Variants in FER observed in about 807,000 individuals in gnomAD.
FER encodes FER tyrosine kinase, also known as tyrosine-protein kinase Fer.
FER carries 63 observed loss-of-function variants against 111.0 expected under a neutral mutation model. That is an observed-to-expected ratio of 0.57 (90% CI 0.46 to 0.70). The LOEUF (loss-of-function observed/expected upper bound fraction) is 0.70, where lower values mean the gene tolerates loss of function less well. Among genes scored for constraint, FER ranks in the 30% least tolerant of loss-of-function variants. FER has a pLI of 0.00. For synonymous variants in FER, 327 were observed against 313.9 expected (o/e 1.04, Z -0.44); for missense variants, 914 against 954.0 (o/e 0.96, Z 0.55).
chr5:109,066,575 G>T (rs1775116637), intron 16 of FER, among the ~76,000 whole-genome samples: 1 of 152,092 alleles, frequency 6.6e-6, no homozygotes, highest in Non-Finnish European at 1.5e-5. Context: ...AAACCCGTCA[G>T]TTCTGATAAA....
intron 17 of FER, among the ~76,000 whole-genome samples, chr5:109,175,055 T>C (rs1757531855): frequency 2.0e-5 from 3 of 152,210 alleles, no homozygotes; most frequent in Admixed American, 2.0e-4. Context: ...GTACCCAGCA[T>C]ATAGTAAATA....
intron 2 of FER, 108 bp downstream of exon 2, chr5:108,768,346 C>G (rs1234386296): frequency 6.6e-6 from 1 of 152,132 alleles, no homozygotes; most frequent in Non-Finnish European, 1.5e-5. Context: ...TTAGATTATT[C>G]TACTGTCTAT....
chr5:109,184,217 G>C (rs1482470642), intron 18 of FER, among the ~76,000 whole-genome samples: 1 of 152,086 alleles, frequency 6.6e-6, no homozygotes, highest in Admixed American at 6.6e-5. Flanking sequence ...CCTCTAATTA[G>C]TTATATTAGC....
intron 13 of FER, among the ~76,000 whole-genome samples, chr5:109,008,136 G>T (rs368672884): frequency 6.6e-6 from 1 of 152,010 alleles, no homozygotes; most frequent in Non-Finnish European, 1.5e-5. Context: ...TTATAATCTT[G>T]TACTCACGGA....
In FER at chr5:108,954,916, T is replaced by A; in HGVS notation, c.1517T>A (p.Ile506Asn). 1 of 1,608,340 alleles carries A rather than the reference T, an allele frequency of 6.2e-7. No individual in the cohort carries two copies. Among genetic ancestry groups the A allele is most frequent in the Non-Finnish European group, 8.5e-7 (1 of 1,177,440 alleles). The change falls in exon 12 of 20, where the codon ATC becomes AAC. Residue 506 changes from isoleucine (I) to asparagine (N), a missense_variant. Ile to Asn is a moderately radical substitution (Grantham distance 149). This residue lies in a region of FER where 774 missense variants were observed against 782.6 expected (regional missense o/e 0.99). Transcript: ENST00000281092. ...TCTGATGGACAGAGGAGACATTTTATCATACAATATGTTGATGTACGTTTC... is the reference window on the plus strand; with the variant it reads ...TCTGATGGACAGAGGAGACATTTTAACATACAATATGTTGATGTACGTTTC... ...VYSDGQRRHF[I>N]IQYVDNMYRF...
intron 17 of FER, among the ~76,000 whole-genome samples, chr5:109,115,063 ATTTAT>A (rs1460584698): frequency 6.6e-6 from 1 of 152,074 alleles, no homozygotes; most frequent in Non-Finnish European, 1.5e-5. Flanking sequence ...CTAATAATGA[ATTTAT>A]TTTAATTCTT....
chr5:109,011,228 AAGAAC>A (rs1375099807), intron 13 of FER, among the ~76,000 whole-genome samples: 1 of 152,186 alleles, frequency 6.6e-6, no homozygotes, highest in African/African-American at 2.4e-5. Flanking sequence ...AAGTGGGACA[AAGAAC>A]AGAATTCAGT....
chr5:108,801,656 T>C (rs1756661467), intron 3 of FER, among the ~76,000 whole-genome samples: 1 of 152,238 alleles, frequency 6.6e-6, no homozygotes, highest in African/African-American at 2.4e-5. Flanking sequence ...GGTGCAAATT[T>C]CCTTTTTCTT....
intron 5 of FER, among the ~76,000 whole-genome samples, chr5:108,864,361 A>C (rs931807558): frequency 3.9e-5 from 6 of 152,140 alleles, no homozygotes; most frequent in African/African-American, 1.4e-4. Context: ...TCTATTTCTC[A>C]TTCTGTTGTT....
intron 8 of FER, among the ~76,000 whole-genome samples, chr5:108,879,173 C>G (rs1447067449): frequency 6.6e-6 from 1 of 151,698 alleles, no homozygotes; most frequent in Non-Finnish European, 1.5e-5. Context: ...ACTGCTTTGC[C>G]TTATAATATT....
At chr5:109,049,488 A>G (rs1389852816) in intron 16 of FER, among the ~76,000 whole-genome samples, 1 of 152,192 alleles carries the variant, frequency 6.6e-6, no homozygotes, top group Non-Finnish European at 1.5e-5. Flanking sequence ...CTTCAAAGTC[A>G]GCACGGGCCT....
At chr5:109,006,414 C>T (rs1581617826) in intron 13 of FER, among the ~76,000 whole-genome samples, 1 of 152,122 alleles carries the variant, frequency 6.6e-6, no homozygotes, top group South Asian at 2.1e-4. Flanking sequence ...GTTCTCTTGC[C>T]TACCGCCATG....
chr5:109,063,157 A>G (rs941085436), intron 16 of FER, among the ~76,000 whole-genome samples: 3 of 152,214 alleles, frequency 2.0e-5, no homozygotes, highest in African/African-American at 4.8e-5. Flanking sequence ...TTCAATTGTC[A>G]AAATTCGTTT....
intron 3 of FER, among the ~76,000 whole-genome samples, chr5:108,806,342 T>A (rs1757207002): frequency 6.6e-6 from 1 of 152,208 alleles, no homozygotes; most frequent in African/African-American, 2.4e-5. Flanking sequence ...GGAGAACCTC[T>A]GCTAGGGCAA....
chr5:108,924,795 GAGA>G, intron 10 of FER: 1 of 1,231,936 alleles, frequency 8.1e-7, no homozygotes, highest in Non-Finnish European at 1.0e-6. Context: ...ATCAGGTAAG[GAGA>G]AGTTCTGCCA....
At chr5:108,994,010 G>T (rs115257741) in intron 13 of FER, among the ~76,000 whole-genome samples, 1,663 of 152,036 alleles carry the variant, frequency 0.011, 34 homozygotes, top group African/African-American at 0.038. Context: ...TTCCTTGTAG[G>T]TTCTAGATAT....
intron 12 of FER, 78 bp from the exon 13 acceptor site, chr5:108,959,147 G>C: frequency 6.9e-7 from 1 of 1,448,240 alleles, no homozygotes; most frequent in Non-Finnish European, 9.4e-7. Context: ...TTTAAGAAAG[G>C]AATCTAATTT....
At chr5:108,890,457 G>C (rs1180854250) in intron 9 of FER, among the ~76,000 whole-genome samples, 1 of 152,016 alleles carries the variant, frequency 6.6e-6, no homozygotes, top group Non-Finnish European at 1.5e-5. Flanking sequence ...TCTGTTTCAT[G>C]CCTGTCTCCT....
intron 1 of FER, among the ~76,000 whole-genome samples, chr5:108,759,091 T>C (rs903470104): frequency 1.3e-5 from 2 of 152,236 alleles, no homozygotes; most frequent in African/African-American, 4.8e-5. Context: ...TCTTAGGGTC[T>C]AGCAACTTGC....
Sources: allele counts gnomAD v4.1 joint callset (sites outside exome capture counted in the v4.1 genomes callset), GRCh38; gene constraint gnomAD v4.1.1; regional missense constraint gnomAD v4.1.1; transcripts MANE v1.5; gene names NCBI Gene and HGNC (gene_info 2026-07-23, HGNC 2026-07-21).